The following RGS6 variants were observed in gnomAD, a reference collection of about 807,000 sequenced individuals.
The protein encoded by RGS6 is regulator of G protein signaling 6.
In RGS6, 30 loss-of-function variants were observed where a neutral mutation model predicts 78.5. That is an observed-to-expected ratio of 0.38 (90% CI 0.29 to 0.52). The LOEUF is 0.52. Ranked by LOEUF, RGS6 falls within the 20% of genes least tolerant of loss-of-function variation. RGS6 has a pLI of 0.85. For missense variants in RGS6, 495 were observed against 609.7 expected (o/e 0.81, Z 1.98); for synonymous variants, 206 against 206.0 (o/e 1.00, Z 0.00).
downstream of RGS6, among the ~76,000 whole-genome samples, chr14:72,569,394 T>C (rs1851539563): frequency 6.6e-6 from 1 of 152,084 alleles, no homozygotes. Context: ...GAAAGCCACA[T>C]ACAAGCCAGG....
At chr14:72,321,420 G>T (rs1032102072) in intron 2 of RGS6, among the ~76,000 whole-genome samples, 1 of 151,674 alleles carries the variant, frequency 6.6e-6, no homozygotes, top group Non-Finnish European at 1.5e-5. Flanking sequence ...TTCTGAAATC[G>T]AGTAATAAAG....
At chr14:72,038,887 C>T (rs1392373187) in intron 2 of RGS6, among the ~76,000 whole-genome samples, 1 of 152,096 alleles carries the variant, frequency 6.6e-6, no homozygotes, top group Non-Finnish European at 1.5e-5. Flanking sequence ...CTTTTCCAGT[C>T]AGGATATCTT....
rs1265330479 is a variant in RGS6 at position 72,510,296 on chromosome 14, T to C, written c.1091+17T>C. On this transcript the variant is annotated intron_variant, in intron 14 of 17. Transcript: ENST00000553525. Reference sequence around the variant, plus strand: ...AAACCTCAGGTAAATCTCTCAAAGTTTGAGCTGTGTGCGGAATGTGTGTGA... The same window carrying C: ...AAACCTCAGGTAAATCTCTCAAAGTCTGAGCTGTGTGCGGAATGTGTGTGA... 6.2e-7 allele frequency: 1 copy of C among 1,613,962 alleles called. No homozygotes were observed. The highest frequency in any genetic ancestry group is 8.5e-7 in the Non-Finnish European group (1 of 1,180,004).
intron 2 of RGS6, among the ~76,000 whole-genome samples, chr14:72,180,474 GTAC>G (rs2097159996): frequency 6.6e-6 from 1 of 152,222 alleles, no homozygotes; most frequent in South Asian, 2.1e-4. Flanking sequence ...ATAGCATTTT[GTAC>G]TACCCTTGAG....
chr14:72,134,449 A>G (rs1371283538), intron 2 of RGS6, among the ~76,000 whole-genome samples: 1 of 152,126 alleles, frequency 6.6e-6, no homozygotes, highest in Non-Finnish European at 1.5e-5. Flanking sequence ...CTCCTGGTAA[A>G]TTCTACAGAA....
chr14:72,475,830 G>GCACACA (rs1555424335), intron 10 of RGS6, among the ~76,000 whole-genome samples: 3,947 of 145,646 alleles, frequency 0.027, 72 homozygotes, highest in Middle Eastern at 0.051. Flanking sequence ...AAAAATACAC[G>GCACACA]CACACACACA....
chr14:72,497,180 T>C (rs954386044), intron 13 of RGS6, among the ~76,000 whole-genome samples: 1 of 152,222 alleles, frequency 6.6e-6, no homozygotes, highest in African/African-American at 2.4e-5. Flanking sequence ...TGAGCAAAAC[T>C]GTAACACATC....
At chr14:72,373,636 G>A (rs563317758) in intron 3 of RGS6, among the ~76,000 whole-genome samples, 1 of 152,160 alleles carries the variant, frequency 6.6e-6, no homozygotes, top group Non-Finnish European at 1.5e-5. Context: ...AGATGAGTAG[G>A]GGGAGAAGGC....
intron 3 of RGS6, among the ~76,000 whole-genome samples, chr14:72,410,428 T>C (rs536169405): frequency 1.4e-4 from 21 of 152,334 alleles, no homozygotes; most frequent in South Asian, 8.3e-4. Context: ...TGTTTTTTTC[T>C]TGTAAATTTG....
At chr14:72,043,503 C>T (rs1358107200) in intron 2 of RGS6, among the ~76,000 whole-genome samples, 1 of 151,690 alleles carries the variant, frequency 6.6e-6, no homozygotes, top group East Asian at 1.9e-4. Flanking sequence ...GATAACTTTG[C>T]TGAATATAGA....
the RGS6 span, among the ~76,000 whole-genome samples, chr14:71,910,063 G>A: frequency 2.4e-4 from 36 of 152,176 alleles, no homozygotes; most frequent in South Asian, 8.3e-4. Flanking sequence ...GGTGGCACGC[G>A]CCTGGAATCC....
intron 2 of RGS6, among the ~76,000 whole-genome samples, chr14:71,990,186 A>C (rs2094895168): frequency 6.6e-6 from 1 of 151,538 alleles, no homozygotes; most frequent in South Asian, 2.1e-4. Flanking sequence ...GTCATTCATG[A>C]GGGTTCTACG....
downstream of RGS6, among the ~76,000 whole-genome samples, chr14:72,570,873 A>AT (rs2097719435): frequency 6.6e-6 from 1 of 152,222 alleles, no homozygotes; most frequent in South Asian, 2.1e-4. Context: ...GATCCATTGC[A>AT]TTTATTGTCC....
At chr14:72,376,074 A>G (rs939474509) in intron 3 of RGS6, among the ~76,000 whole-genome samples, 2 of 152,244 alleles carry the variant, frequency 1.3e-5, no homozygotes, top group Admixed American at 1.3e-4. Flanking sequence ...AATTCTAAAC[A>G]AATTCAGTGA....
At chr14:72,618,734 C>G in the RGS6 span, among the ~76,000 whole-genome samples, 1 of 151,410 alleles carries the variant, frequency 6.6e-6, no homozygotes, top group African/African-American at 2.4e-5. Flanking sequence ...GAAGGCAACT[C>G]TTTGTCTCCA....
At chr14:72,227,923 A>G (rs1567522539) in intron 2 of RGS6, among the ~76,000 whole-genome samples, 1 of 152,160 alleles carries the variant, frequency 6.6e-6, no homozygotes, top group Non-Finnish European at 1.5e-5. Context: ...ACAATTATAA[A>G]CACATGAATG....
intron 2 of RGS6, among the ~76,000 whole-genome samples, chr14:72,119,460 G>T (rs901950917): frequency 3.3e-5 from 5 of 152,212 alleles, no homozygotes; most frequent in Non-Finnish European, 5.9e-5. Flanking sequence ...CCATGCATTT[G>T]AAAGGTCAAT....
intron 2 of RGS6, among the ~76,000 whole-genome samples, chr14:72,160,705 A>T (rs941629269): frequency 2.6e-5 from 4 of 152,220 alleles, no homozygotes; most frequent in Non-Finnish European, 5.9e-5. Context: ...AGGGATGCAC[A>T]TGCATGGAGG....
At chr14:72,490,242 C>T (rs947862279) in intron 12 of RGS6, among the ~76,000 whole-genome samples, 9 of 152,158 alleles carry the variant, frequency 5.9e-5, no homozygotes, top group Admixed American at 5.9e-4. Flanking sequence ...GGGAGTTTCC[C>T]TGCACAAGCT....
Sources: gnomAD v4.1 joint callset for allele counts (sites outside exome capture counted in the v4.1 genomes callset) on GRCh38, gnomAD v4.1.1 for gene constraint, MANE v1.5 for transcripts, NCBI Gene and HGNC (gene_info 2026-07-23, HGNC 2026-07-21) for gene names.